GNS: variants seen among roughly 807,000 people sequenced by gnomAD.
GNS encodes the protein N-acetylglucosamine-6-sulfatase.
In GNS, 40 loss-of-function variants were observed where a neutral mutation model predicts 69.7. The ratio of observed to expected loss-of-function variants is 0.57; its 90% confidence interval spans 0.45 to 0.75. The LOEUF is 0.75. GNS is among the 30% of genes least tolerant of loss of function. GNS has a pLI of 0.00. For synonymous variants in GNS, 243 were observed against 251.6 expected (o/e 0.97, Z 0.32); for missense variants, 565 against 685.5 (o/e 0.82, Z 1.96).
chr12:64,744,699 T>A, intron 5 of GNS, 110 bp downstream of exon 5: 1 of 725,724 alleles, frequency 1.4e-6, no homozygotes, highest in South Asian at 1.4e-5. Flanking sequence ...TTACTGTGCA[T>A]TTATATTACC....
In GNS at chr12:64,743,234, C is replaced by T. The variant is rs762468558; in HGVS notation, c.699G>A (p.Ala233=). 37 of 1,612,344 alleles carry T rather than the reference C, an allele frequency of 2.3e-5. No individual in the cohort carries two copies. The highest frequency in any genetic ancestry group is 5.0e-5 in the Admixed American group (3 of 59,986). The change falls in exon 6 of 14, where the codon GCG becomes GCA. Residue 233 remains alanine, a synonymous_variant. Coordinates refer to ENST00000258145, the MANE Select transcript of GNS (RefSeq NM_002076.4). The stretch of plus-strand genomic sequence containing the variant: ...GTGCAGCTGTCCAAGGCGAATGAGG[C>T]GCTGGAGTGGCGATCATCATGAAGA... The part of the protein sequence containing the change: ...EPFFMMIATP[A]PHSPWTAAPQ...
At chr12:64,739,838 TA>T (rs1419559558) in intron 7 of GNS, among the ~76,000 whole-genome samples, 2 of 152,268 alleles carry the variant, frequency 1.3e-5, no homozygotes, top group Non-Finnish European at 2.9e-5. Flanking sequence ...GTGATGAGAG[TA>T]GAGACAATCG....
chr12:64,747,289 G>A (rs949461279), intron 3 of GNS, among the ~76,000 whole-genome samples: 1 of 152,192 alleles, frequency 6.6e-6, no homozygotes, highest in African/African-American at 2.4e-5. Flanking sequence ...AAGATTCTAA[G>A]AAATCTGAGG....
At chr12:64,746,872 A>C (rs749608564) in intron 3 of GNS, among the ~76,000 whole-genome samples, 3 of 152,190 alleles carry the variant, frequency 2.0e-5, no homozygotes, top group Non-Finnish European at 2.9e-5. Context: ...AAGGTTGCAG[A>C]TTTCCCCAAT....
At chr12:64,745,511 C>T (rs1869872406) in intron 4 of GNS, 148 bp downstream of exon 4, 4 of 709,330 alleles carry the variant, frequency 5.6e-6, no homozygotes, top group Middle Eastern at 2.6e-4. Context: ...TGAGCCACTA[C>T]ACCTGGCCAC....
At chr12:64,718,536 T>G (rs1407504372) in intron 13 of GNS, among the ~76,000 whole-genome samples, 1 of 152,250 alleles carries the variant, frequency 6.6e-6, no homozygotes, top group Non-Finnish European at 1.5e-5. Context: ...GGAAATTCTA[T>G]GAATTCTAAC....
At chr12:64,728,826 T>C in intron 10 of GNS, 130 bp downstream of exon 10, 1 of 658,844 alleles carries the variant, frequency 1.5e-6, no homozygotes, top group Admixed American at 2.5e-5. Flanking sequence ...TTTAGAAAAC[T>C]CCTTCCCATC....
At chr12:64,720,272 G>A in intron 12 of GNS, 90 bp from the exon 13 acceptor site, 3 of 878,492 alleles carry the variant, frequency 3.4e-6, no homozygotes, top group Non-Finnish European at 5.7e-6. Context: ...AAAGGGGAAG[G>A]GAGGAGGTAG....
chr12:64,742,305 C>T (rs990199843), intron 6 of GNS, among the ~76,000 whole-genome samples: 2 of 152,252 alleles, frequency 1.3e-5, no homozygotes, highest in African/African-American at 2.4e-5. Context: ...CAGGCATGAG[C>T]CACTGCGCCC....
rs1001515080 is a variant in GNS at position 64,713,796 on chromosome 12, A to T, written c.*2945T>A. 1 of 152,360 alleles carries T rather than the reference A, an allele frequency of 6.6e-6. No homozygotes were observed. The highest frequency in any genetic ancestry group is 6.5e-5 in the Admixed American group (1 of 15,296). 9.4% of individuals were successfully genotyped at this position (152,360 alleles called of 1,614,324 possible). The stretch of plus-strand genomic sequence containing the variant: ...AGAATAAGGTAAAACTTCCATGGCT[A>T]TCATTACTATTTTGTACAACAGCCC... On this transcript the variant is annotated 3_prime_UTR_variant, in exon 14 of 14. Transcript: ENST00000258145.
chr12:64,717,400 G>T (rs1868895427), intron 13 of GNS, among the ~76,000 whole-genome samples: 1 of 152,208 alleles, frequency 6.6e-6, no homozygotes, highest in South Asian at 2.1e-4. Flanking sequence ...GCCCAGGCTG[G>T]AGTGCAGTGG....
rs1375712315 is a variant in GNS, at chr12:64,759,227, C to G, written c.50G>C (p.Arg17Pro). ...CGCTGGGCTGCAGGAGGGCAGGTGG[C>G]GGGGGCTGCCCCGCCGGAGCCGACC... The part of the protein sequence containing the change: ...APGRLRRGSP[R>P]HLPSCSPALL... Residue 17 changes from arginine (R) to proline (P), a missense_variant, in exon 1 of 14, where the codon CGC (arginine) becomes CCC (proline). Arg to Pro is a moderately radical substitution (Grantham distance 103, BLOSUM62 -2). This residue lies in a region of GNS where 181 missense variants were observed against 174.4 expected (regional missense o/e 1.04). Coordinates refer to ENST00000258145, the MANE Select transcript of GNS (RefSeq NM_002076.4). The G allele has an allele frequency of 1.9e-6, 3 of 1,544,448 alleles. No homozygotes were observed. The highest frequency in any genetic ancestry group is 4.9e-5 in the East Asian group (2 of 40,822).
intron 6 of GNS, among the ~76,000 whole-genome samples, chr12:64,741,284 G>A (rs936496274): frequency 3.3e-5 from 5 of 151,618 alleles, no homozygotes; most frequent in African/African-American, 1.2e-4. Flanking sequence ...AGAGGCGGAG[G>A]TTGCATTGAG....
intron 10 of GNS, among the ~76,000 whole-genome samples, chr12:64,725,424 A>T (rs1226448661): frequency 6.6e-6 from 1 of 152,224 alleles, no homozygotes; most frequent in African/African-American, 2.4e-5. Context: ...TTTCTGGCTG[A>T]AACATTCTCG....
chr12:64,745,204 C>CTTTT (rs141453545), intron 4 of GNS, among the ~76,000 whole-genome samples: 10 of 42,352 alleles, frequency 2.4e-4, no homozygotes, highest in Non-Finnish European at 4.1e-4. Flanking sequence ...AGTCAATAGA[C>CTTTT]TTTTTTTTTT....
Position 64,756,717 on chromosome 12 carries a change from C to G in GNS, c.192+2368G>C, listed in dbSNP as rs1043645837. 4 of 1,483,032 alleles carry G rather than the reference C, an allele frequency of 2.7e-6. No homozygotes were observed. In the Admixed American group the frequency reaches 5.9e-5, roughly 22 times the overall value. The allele number at this position is 1,483,032 out of a possible 1,614,324, so 91.9% of individuals were successfully genotyped here. A position where few individuals can be genotyped will look rare whatever the true frequency, so the allele number is the denominator to read the frequency against. Reference sequence around the variant, plus strand: ...AAATGCTCTTGTCCTAGCTCTTCCCCTTGGAGTCCTGTTTGACAATTAGTG... The same window carrying G: ...AAATGCTCTTGTCCTAGCTCTTCCCGTTGGAGTCCTGTTTGACAATTAGTG... On this transcript the variant is annotated intron_variant, in intron 1 of 13. Transcript: ENST00000258145.
intron 3 of GNS, among the ~76,000 whole-genome samples, chr12:64,746,404 G>A (rs563124602): frequency 1.3e-5 from 2 of 152,280 alleles, no homozygotes; most frequent in South Asian, 4.1e-4. Context: ...CAAAGGAAAT[G>A]TTCACTGGAG....
At chr12:64,752,676 T>C (rs765498881) in intron 2 of GNS, 22 bp downstream of exon 2, 14 of 1,251,984 alleles carry the variant, frequency 1.1e-5, no homozygotes, top group Non-Finnish European at 1.4e-5. Context: ...ATTAACAAAA[T>C]TGAATTAACT....
intron 10 of GNS, among the ~76,000 whole-genome samples, chr12:64,726,381 A>AAT (rs1227524560): frequency 6.6e-6 from 1 of 152,206 alleles, no homozygotes; most frequent in Non-Finnish European, 1.5e-5. Context: ...CAAGAAAATA[A>AAT]ATTTTAGATA....
Sources: gnomAD v4.1 joint callset for allele counts (sites outside exome capture counted in the v4.1 genomes callset) on GRCh38, gnomAD v4.1.1 for gene constraint, gnomAD v4.1.1 regional missense constraint, MANE v1.5 for transcripts, NCBI Gene and HGNC (gene_info 2026-07-23, HGNC 2026-07-21) for gene names.